The following PTPRJ variants were observed in gnomAD, a reference collection of about 807,000 sequenced individuals.
PTPRJ encodes the protein receptor-type tyrosine-protein phosphatase eta.
A neutral mutation model predicts 141.3 loss-of-function variants in PTPRJ; 129 were observed. That is an observed-to-expected ratio of 0.91 (90% CI 0.79 to 1.06). The LOEUF (loss-of-function observed/expected upper bound fraction) is 1.06, where lower values mean the gene tolerates loss of function less well. Ranked by LOEUF, PTPRJ falls within the 50% of genes least tolerant of loss-of-function variation. PTPRJ has a pLI of 0.00. For synonymous variants in PTPRJ, 610 were observed against 640.5 expected (o/e 0.95, Z 0.72); for missense variants, 1,601 against 1,679.7 (o/e 0.95, Z 0.82).
intron 3 of PTPRJ, among the ~76,000 whole-genome samples, chr11:48,116,665 G>A (rs898659639): frequency 5.3e-5 from 8 of 152,180 alleles, no homozygotes; most frequent in African/African-American, 1.9e-4. Flanking sequence ...TAGATCATAT[G>A]TTAGACCACA....
In PTPRJ at chr11:47,989,344, G is replaced by A. The variant is rs182848958; in HGVS notation, c.96+8336G>A. ...TGCAATGGCGTGATCTTGGCTCACT[G>A]CAACCTCCACCTCCCAGGTTCAAGT... On this transcript the variant is annotated intron_variant, in intron 1 of 24. Transcript: ENST00000418331. 8.9e-3 allele frequency among the ~76,000 whole-genome samples: 1,341 copies of A among 150,322 alleles called. 23 individuals are homozygous for A. Among genetic ancestry groups the A allele is most frequent in the African/African-American group, 0.031 (1,275 of 40,844 alleles).
chr11:48,049,891 C>T (rs967945020), intron 1 of PTPRJ, among the ~76,000 whole-genome samples: 1 of 152,006 alleles, frequency 6.6e-6, no homozygotes, highest in Non-Finnish European at 1.5e-5. Context: ...CTATATGAAA[C>T]CCTCTTAAAA....
At chr11:48,119,552 C>T (rs1484864670) in intron 3 of PTPRJ, among the ~76,000 whole-genome samples, 1 of 152,122 alleles carries the variant, frequency 6.6e-6, no homozygotes, top group Non-Finnish European at 1.5e-5. Context: ...GTGGCTGCCA[C>T]CATGCCCAAT....
At position 48,112,827 on chromosome 11, in the gene PTPRJ, G is replaced by A. The variant is rs1856474466; in HGVS notation, c.196G>A (p.Glu66Lys). 1.2e-6 allele frequency: 2 copies of A among 1,614,074 alleles called. No individual in the cohort carries two copies. The highest frequency in any genetic ancestry group is 1.6e-4 in the Middle Eastern group (1 of 6,084). The change falls in exon 3 of 25, where the codon GAA becomes AAA. Residue 66 changes from glutamate to lysine, a missense_variant. Transcript: ENST00000418331. The part of the protein sequence containing the change: ...NGITQISSTA[E>K]SFHKQNGTGT... ...CATAACGCAGATCAGCAGTACAGCAGAATCCTTTCATAAACAGAATGGAAC... is the reference window on the plus strand; with the variant it reads ...CATAACGCAGATCAGCAGTACAGCAAAATCCTTTCATAAACAGAATGGAAC...
intron 1 of PTPRJ, among the ~76,000 whole-genome samples, chr11:47,986,012 T>C (rs558809788): frequency 6.6e-6 from 1 of 152,228 alleles, no homozygotes; most frequent in African/African-American, 2.4e-5. Flanking sequence ...AGACATTTTT[T>C]AGACAGTCTT....
intron 1 of PTPRJ, among the ~76,000 whole-genome samples, chr11:48,011,375 C>T (rs922467775): frequency 6.6e-6 from 1 of 152,120 alleles, no homozygotes; most frequent in Non-Finnish European, 1.5e-5. Flanking sequence ...TCTGGACTTA[C>T]CACTTACTAG....
rs145148523 is a variant in PTPRJ at position 48,041,587 on chromosome 11, C to T, written c.96+60579C>T. 5.5e-3 allele frequency among the ~76,000 whole-genome samples: 844 copies of T among 152,218 alleles called. 4 individuals carry two copies. The highest frequency in any genetic ancestry group is 9.7e-3 in the Non-Finnish European group (662 of 68,022). ...AGGATTTAAAGCTGAAAGGCTTTAT[C>T]CCTGAGACTCAGGGAAATATGACAA... is the stretch of plus-strand genomic sequence containing the variant. On this transcript the variant is annotated intron_variant, in intron 1 of 24. Coordinates refer to ENST00000418331, the MANE Select transcript of PTPRJ (RefSeq NM_002843.4).
At chr11:48,152,834 G>C (rs1272894324) in intron 18 of PTPRJ, among the ~76,000 whole-genome samples, 1 of 152,174 alleles carries the variant, frequency 6.6e-6, no homozygotes, top group Non-Finnish European at 1.5e-5. Context: ...CTGTAGCCTT[G>C]TAGTATAGTT....
intron 1 of PTPRJ, among the ~76,000 whole-genome samples, chr11:48,102,212 G>A (rs1158925193): frequency 6.6e-6 from 1 of 152,092 alleles, no homozygotes; most frequent in Non-Finnish European, 1.5e-5. Flanking sequence ...AACATCGTGG[G>A]GGCAGTGTTG....
At chr11:47,995,902 G>C (rs1345793132) in intron 1 of PTPRJ, among the ~76,000 whole-genome samples, 1 of 151,986 alleles carries the variant, frequency 6.6e-6, no homozygotes, top group African/African-American at 2.4e-5. Context: ...ACAGGGTGTG[G>C]TGGCACATGC....
chr11:48,101,942 C>T lies in PTPRJ; in HGVS notation c.97-8116C>T, dbSNP rs756589697. ...AAAGGTAGTGGCAGGCAGAATGGTACATTTTATATTCATATTGTGCACATT... is the reference window on the plus strand; with the variant it reads ...AAAGGTAGTGGCAGGCAGAATGGTATATTTTATATTCATATTGTGCACATT... On this transcript the variant is annotated intron_variant, in intron 1 of 24. Transcript: ENST00000418331. 4.2e-4 allele frequency among the ~76,000 whole-genome samples: 64 copies of T among 152,180 alleles called. No individual in the cohort carries two copies. In the Middle Eastern group the frequency reaches 0.017, roughly 40 times the overall value.
At chr11:48,047,932 G>A (rs953353848) in intron 1 of PTPRJ, among the ~76,000 whole-genome samples, 2 of 152,082 alleles carry the variant, frequency 1.3e-5, no homozygotes, top group African/African-American at 2.4e-5. Context: ...GGGCTTTTGT[G>A]GGGGCTGTGT....
chr11:48,066,237 C>T (rs1855078376), intron 1 of PTPRJ, among the ~76,000 whole-genome samples: 2 of 152,110 alleles, frequency 1.3e-5, no homozygotes, highest in Non-Finnish European at 2.9e-5. Context: ...AGTGAGAATC[C>T]CCACTCCTCC....
intron 1 of PTPRJ, among the ~76,000 whole-genome samples, chr11:48,065,578 TGGTG>T (rs1316153761): frequency 6.6e-6 from 1 of 152,236 alleles, no homozygotes; most frequent in African/African-American, 2.4e-5. Context: ...TCTTTCTCTG[TGGTG>T]ACCTATTTGT....
rs769445869 is a variant in PTPRJ, at chr11:48,123,650, G to T, written c.654G>T (p.Thr218=). The change falls in exon 5 of 25, where the codon ACG becomes ACT. Residue 218 remains threonine, a synonymous_variant. Coordinates refer to ENST00000418331, the MANE Select transcript of PTPRJ (RefSeq NM_002843.4). ...IPVSDLRVAL[T]GVRKAALSWS... is the part of the protein sequence containing the mutation. ...TTTCTGATCTCCGTGTTGCCCTCAC[G>T]GGTGTGAGGAAGGCTGCTCTCTCCT... 3.7e-6 allele frequency: 6 copies of T among 1,613,854 alleles called. No homozygotes were observed. In the East Asian group the frequency reaches 6.7e-5, roughly 18 times the overall value.
intron 7 of PTPRJ, 102 bp downstream of exon 7, chr11:48,128,145 C>A: frequency 1.4e-6 from 2 of 1,406,756 alleles, no homozygotes; most frequent in South Asian, 1.3e-5. Context: ...GTTGGCTGAC[C>A]ACACGCCAAG....
intron 1 of PTPRJ, among the ~76,000 whole-genome samples, chr11:48,011,821 C>A (rs1854798999): frequency 6.6e-6 from 1 of 152,112 alleles, no homozygotes; most frequent in African/African-American, 2.4e-5. Flanking sequence ...GTCACCACAC[C>A]TGGCTAATTA....
chr11:47,995,199 T>A (rs901884344), intron 1 of PTPRJ, among the ~76,000 whole-genome samples: 12 of 152,334 alleles, frequency 7.9e-5, no homozygotes, highest in Middle Eastern at 3.4e-3. Context: ...GGTGATTGCC[T>A]TAAGATAAAT....
chr11:48,121,812 T>C (rs1346010532), intron 4 of PTPRJ, among the ~76,000 whole-genome samples: 1 of 152,176 alleles, frequency 6.6e-6, no homozygotes, highest in African/African-American at 2.4e-5. Context: ...TTTTTTAAGC[T>C]GAAAAGAACC....
Sources: gnomAD v4.1 joint callset for allele counts (sites outside exome capture counted in the v4.1 genomes callset) on GRCh38, gnomAD v4.1.1 for gene constraint, MANE v1.5 for transcripts, NCBI Gene and HGNC (gene_info 2026-07-23, HGNC 2026-07-21) for gene names.